KIAA1549: variants seen among roughly 807,000 people sequenced by gnomAD.
KIAA1549 encodes the protein KIAA1549.
A neutral mutation model predicts 156.4 loss-of-function variants in KIAA1549; 70 were observed. The ratio of observed to expected loss-of-function variants is 0.45; its 90% confidence interval spans 0.37 to 0.55. KIAA1549 has a LOEUF of 0.55. Ranked by LOEUF, KIAA1549 falls within the 20% of genes least tolerant of loss-of-function variation. KIAA1549 has a pLI of 0.00. For missense variants in KIAA1549, 2,428 were observed against 2,540.9 expected, an observed-to-expected ratio of 0.96 and a Z score of 0.96; for synonymous variants, 1,103 against 1,066.4, an observed-to-expected ratio of 1.03 and a Z score of -0.67.
In KIAA1549 at chr7:138,881,403, A is replaced by G. The variant is rs555092681; in HGVS notation, c.4214T>C (p.Val1405Ala). The change falls in exon 11 of 20, where the codon GTT becomes GCT. Residue 1405 changes from valine to alanine, a missense_variant. Transcript: ENST00000422774. ...SPKSKIPSKNVRHRGRVSPSD... is the reference protein window; with the variant it reads ...SPKSKIPSKNARHRGRVSPSD... ...CAATAATAACCTTCCTCTGTGACGA[A>G]CATTCTTGGAAGGGATCTTTGACTT... The G allele has an allele frequency of 2.8e-4, 446 of 1,613,474 alleles. 6 individuals carry two copies. The South Asian group carries it at 4.6e-3, about 17-fold the overall frequency.
chr7:138,835,091 A>G lies in KIAA1549; in HGVS notation c.*2815T>C. The G allele has an allele frequency of 4.5e-6, 1 of 224,434 alleles. No homozygotes were observed. The highest frequency in any genetic ancestry group is 6.4e-5 in the East Asian group (1 of 15,552). The allele number at this position is 224,434 out of a possible 1,614,324, so 13.9% of individuals were successfully genotyped here. ...CATAAAATTCAACTGTTCATTGTAGAGTGCTTCCATAAACGGACTCCAAAG... is the reference window on the plus strand; with the variant it reads ...CATAAAATTCAACTGTTCATTGTAGGGTGCTTCCATAAACGGACTCCAAAG... On this transcript the variant is annotated 3_prime_UTR_variant, in exon 20 of 20. Coordinates refer to ENST00000422774, the MANE Select transcript of KIAA1549 (RefSeq NM_001164665.2).
At chr7:138,899,166 A>G in intron 8 of KIAA1549, 34 bp from the exon 9 acceptor site, 1 of 1,598,812 alleles carries the variant, frequency 6.3e-7, no homozygotes, top group Non-Finnish European at 8.6e-7. Flanking sequence ...ACATTGCAGA[A>G]GCTCATGTTT....
intron 16 of KIAA1549, among the ~76,000 whole-genome samples, chr7:138,860,829 C>T (rs1810549463): frequency 1.3e-5 from 2 of 152,178 alleles, no homozygotes; most frequent in South Asian, 2.1e-4. Flanking sequence ...ACCTCCATTC[C>T]GTGACACTGT....
chr7:138,977,762 C>T (rs1469767793), intron 1 of KIAA1549, among the ~76,000 whole-genome samples: 1 of 152,024 alleles, frequency 6.6e-6, no homozygotes, highest in Non-Finnish European at 1.5e-5. Context: ...TACAATGGCG[C>T]CATCTCGGCT....
chr7:138,871,098 T>A (rs1810916701), intron 13 of KIAA1549, 59 bp downstream of exon 13: 8 of 1,524,284 alleles, frequency 5.2e-6, no homozygotes, highest in Non-Finnish European at 6.2e-6. Flanking sequence ...ATTACAGGCA[T>A]AAGCCACCGG....
chr7:138,865,935 TTCTA>T (rs969852347), intron 15 of KIAA1549, among the ~76,000 whole-genome samples: 1 of 152,082 alleles, frequency 6.6e-6, no homozygotes, highest in African/African-American at 2.4e-5. Context: ...ATGCTGCCCC[TTCTA>T]TCTGTTTCAC....
chr7:138,961,857 A>G (rs1271427612), intron 1 of KIAA1549, among the ~76,000 whole-genome samples: 3 of 151,716 alleles, frequency 2.0e-5, no homozygotes. Context: ...AAAAAAAAAA[A>G]AAAAGAAAGA....
chr7:138,904,246 T>C (rs1368622158), intron 7 of KIAA1549, among the ~76,000 whole-genome samples: 1 of 152,216 alleles, frequency 6.6e-6, no homozygotes, highest in Admixed American at 6.5e-5. Flanking sequence ...CACTTGCCAG[T>C]GTGGTCTGGG....
chr7:138,915,153 A>G (rs949156366), intron 2 of KIAA1549, among the ~76,000 whole-genome samples: 1 of 152,132 alleles, frequency 6.6e-6, no homozygotes, highest in African/African-American at 2.4e-5. Context: ...CCTCCCCCAG[A>G]AGACACTTTC....
At position 138,881,508 on chromosome 7, in the gene KIAA1549, A is replaced by G. The variant is rs754756120; in HGVS notation, c.4109T>C (p.Ile1370Thr). The stretch of plus-strand genomic sequence containing the variant: ...TGGCAGTGGCGCTGGCTCATGAATA[A>G]TCAATATGTCGTCTTTATTGTGCTG... The part of the protein sequence containing the change: ...LGQHNKDDIL[I>T]IHEPAPLPGP... Residue 1370 changes from isoleucine to threonine, a missense_variant, in exon 11 of 20, where the codon ATT (isoleucine) becomes ACT (threonine). Around this residue, in one of 5 missense-constraint regions of KIAA1549, gnomAD observed 762 missense variants for 901.6 expected, o/e 0.85. Transcript: ENST00000422774. The G allele has an allele frequency of 1.2e-6, 2 of 1,614,032 alleles. No individual in the cohort carries two copies. Among genetic ancestry groups the G allele is most frequent in the East Asian group, 4.5e-5 (2 of 44,888 alleles).
At chr7:138,925,885 T>G (rs900271378) in intron 1 of KIAA1549, among the ~76,000 whole-genome samples, 3 of 147,260 alleles carry the variant, frequency 2.0e-5, no homozygotes, top group Non-Finnish European at 4.5e-5. Context: ...AGAGTACAAT[T>G]GAGTTGAAAG....
At position 138,954,794 on chromosome 7, in the gene KIAA1549, G is replaced by A. The variant is rs113312525; in HGVS notation, c.187+26289C>T. Among the ~76,000 whole-genome samples, 756 of 152,268 alleles carry A rather than the reference G, an allele frequency of 5.0e-3. 7 individuals carry two copies. Among genetic ancestry groups the A allele is most frequent in the Non-Finnish European group, 7.4e-3 (501 of 68,022 alleles). The stretch of plus-strand genomic sequence containing the variant: ...GTGCAGGAACTGCAGGAAGATTCCC[G>A]TCCTGCAGAAGAAACTGAATGATCT... On this transcript the variant is annotated intron_variant, in intron 1 of 19. Coordinates refer to ENST00000422774, the MANE Select transcript of KIAA1549 (RefSeq NM_001164665.2).
chr7:138,924,075 C>G (rs558366630), intron 1 of KIAA1549, among the ~76,000 whole-genome samples: 23 of 152,126 alleles, frequency 1.5e-4, no homozygotes, highest in Non-Finnish European at 2.9e-4. Context: ...CTGTAGGATT[C>G]CTTGCCTAAG....
chr7:138,956,160 A>G (rs1813659244), intron 1 of KIAA1549, among the ~76,000 whole-genome samples: 1 of 152,192 alleles, frequency 6.6e-6, no homozygotes, highest in South Asian at 2.1e-4. Flanking sequence ...TCCCAAAGTC[A>G]GCACTGGGTT....
At chr7:138,968,248 T>C (rs892872314) in intron 1 of KIAA1549, among the ~76,000 whole-genome samples, 1 of 152,146 alleles carries the variant, frequency 6.6e-6, no homozygotes, top group African/African-American at 2.4e-5. Flanking sequence ...CTGGGCTTAA[T>C]ACCCAGATGA....
intron 15 of KIAA1549, among the ~76,000 whole-genome samples, chr7:138,866,425 T>C (rs1810741451): frequency 6.6e-6 from 1 of 152,222 alleles, no homozygotes; most frequent in South Asian, 2.1e-4. Flanking sequence ...GCTGGTTGCA[T>C]AAGGTCTATC....
chr7:138,901,367 C>T (rs917215310), intron 8 of KIAA1549, among the ~76,000 whole-genome samples: 14 of 150,210 alleles, frequency 9.3e-5, no homozygotes, highest in African/African-American at 2.7e-4. Context: ...ACTCTGTCCC[C>T]GAGGCTGGAG....
chr7:138,979,074 G>C (rs1481328048), intron 1 of KIAA1549, among the ~76,000 whole-genome samples: 2 of 152,242 alleles, frequency 1.3e-5, no homozygotes, highest in Non-Finnish European at 2.9e-5. Context: ...GGATCCTGGA[G>C]CACAGGGGCT....
intron 10 of KIAA1549, among the ~76,000 whole-genome samples, chr7:138,884,553 C>G (rs1363268782): frequency 1.3e-5 from 2 of 152,084 alleles, no homozygotes; most frequent in East Asian, 3.9e-4. Context: ...ATAAACAAGA[C>G]CTAAAGCCAT....
Sources: allele counts gnomAD v4.1 joint callset (sites outside exome capture counted in the v4.1 genomes callset), GRCh38; gene constraint gnomAD v4.1.1; regional missense constraint gnomAD v4.1.1; transcripts MANE v1.5; gene names NCBI Gene and HGNC (gene_info 2026-07-23, HGNC 2026-07-21).